Variants in TCF7L2 observed in about 807,000 individuals in gnomAD.
TCF7L2 encodes the protein transcription factor 7 like 2.
TCF7L2 carries 23 observed loss-of-function variants against 77.9 expected under a neutral mutation model. That is an observed-to-expected ratio of 0.30 (90% CI 0.21 to 0.42). The LOEUF (loss-of-function observed/expected upper bound fraction) is 0.42. TCF7L2 is among the 10% of genes least tolerant of loss of function. The pLI is 1.00. For missense variants in TCF7L2, 654 were observed against 793.1 expected, an observed-to-expected ratio of 0.82 and a Z score of 2.11; for synonymous variants, 413 against 340.2, an observed-to-expected ratio of 1.21 and a Z score of -2.36.
chr10:113,160,589 G>A (rs958309982), intron 12 of TCF7L2: 4 of 1,568,218 alleles, frequency 2.6e-6, no homozygotes, highest in Non-Finnish European at 2.6e-6. Context: ...CCATTGTGTT[G>A]TATTTTTTGT....
intron 5 of TCF7L2, among the ~76,000 whole-genome samples, chr10:113,133,706 T>C (rs2066949591): frequency 6.6e-6 from 1 of 152,228 alleles, no homozygotes; most frequent in South Asian, 2.1e-4. Context: ...CATGAGAAAC[T>C]ATGAGTCGGC....
intron 4 of TCF7L2, among the ~76,000 whole-genome samples, chr10:112,976,132 T>C (rs189987587): frequency 1.6e-4 from 24 of 152,298 alleles, no homozygotes; most frequent in Non-Finnish European, 3.2e-4. Context: ...AGTACCTGTT[T>C]CTAGAGTTGG....
intron 4 of TCF7L2, among the ~76,000 whole-genome samples, chr10:112,969,389 G>T (rs2037729845): frequency 6.6e-6 from 1 of 152,180 alleles, no homozygotes; most frequent in African/African-American, 2.4e-5. Flanking sequence ...TTCCTACGTT[G>T]TTGGATATTT....
intron 4 of TCF7L2, among the ~76,000 whole-genome samples, chr10:113,012,422 T>C (rs944982738): frequency 6.6e-6 from 1 of 152,146 alleles, no homozygotes; most frequent in Admixed American, 6.5e-5. Flanking sequence ...TGAGTCTCTG[T>C]GGTGGGTTCT....
intron 13 of TCF7L2, among the ~76,000 whole-genome samples, chr10:113,164,951 C>T (rs570073452): frequency 1.6e-3 from 242 of 152,244 alleles, no homozygotes; most frequent in Non-Finnish European, 2.8e-3. Context: ...CTCTTGCTAG[C>T]GCTGCCTTCA....
chr10:113,056,820 C>T (rs1442785518), intron 5 of TCF7L2, among the ~76,000 whole-genome samples: 2 of 152,162 alleles, frequency 1.3e-5, no homozygotes, highest in African/African-American at 2.4e-5. Flanking sequence ...AAAGCGTCAT[C>T]GCCTCAGATG....
intron 4 of TCF7L2, among the ~76,000 whole-genome samples, chr10:113,021,069 A>G (rs1306821494): frequency 1.3e-5 from 2 of 152,160 alleles, no homozygotes; most frequent in Non-Finnish European, 2.9e-5. Context: ...TGCTGGCATC[A>G]ATAAATATTT....
chr10:113,162,908 T>C (rs2073404189), intron 13 of TCF7L2, among the ~76,000 whole-genome samples: 1 of 151,782 alleles, frequency 6.6e-6, no homozygotes, highest in African/African-American at 2.4e-5. Flanking sequence ...TTGGGGGTGC[T>C]AAGAGTATGG....
rs2074054171 is a variant in TCF7L2, at chr10:113,166,619, T to G, written c.*647T>G. On this transcript the variant is annotated 3_prime_UTR_variant, in exon 14 of 14. Coordinates refer to ENST00000627217, the MANE Select transcript of TCF7L2 (RefSeq NM_001146274.2). ...ACACTTAATAGAATCACAACGCTGT[T>G]GGGCCAGTAGTATTTATTGCTTTAG... 4.3e-6 allele frequency: 1 copy of G among 230,604 alleles called. No individual in the cohort carries two copies. Among genetic ancestry groups the G allele is most frequent in the East Asian group, 6.2e-5 (1 of 16,202 alleles). The allele number at this position is 230,604 out of a possible 1,614,324, so 14.3% of individuals were successfully genotyped here.
At chr10:113,075,253 G>A (rs2058558756) in intron 5 of TCF7L2, among the ~76,000 whole-genome samples, 1 of 152,162 alleles carries the variant, frequency 6.6e-6, no homozygotes, top group Admixed American at 6.5e-5. Flanking sequence ...GAGGTCAGGA[G>A]TTCGAGACCA....
intron 5 of TCF7L2, among the ~76,000 whole-genome samples, chr10:113,047,272 C>G (rs60616341): frequency 0.047 from 7,100 of 152,230 alleles, 522 homozygotes; most frequent in African/African-American, 0.16. Flanking sequence ...TGAAAGTTCT[C>G]AACATTTATA....
chr10:113,161,600 A>G (rs761441545), intron 13 of TCF7L2: 2 of 1,536,078 alleles, frequency 1.3e-6, no homozygotes, highest in East Asian at 2.4e-5. Flanking sequence ...GGAATATTAC[A>G]ATGGTAGGTA....
intron 5 of TCF7L2, among the ~76,000 whole-genome samples, chr10:113,095,511 C>T (rs1237890950): frequency 6.6e-6 from 1 of 152,192 alleles, no homozygotes; most frequent in Non-Finnish European, 1.5e-5. Context: ...GTGGGCACTG[C>T]AGTGCCTCCC....
In TCF7L2 at chr10:113,117,426, TCTCTCTCC is replaced by T. The variant is rs1564916525; in HGVS notation, c.553-23750_553-23743del. Among the ~76,000 whole-genome samples the T allele has an allele frequency of 5.9e-3, 212 of 36,008 alleles. 34 individuals are homozygous for T. Among genetic ancestry groups the T allele is most frequent in the East Asian group, 0.024 (42 of 1,766 alleles). 23.6% of individuals were successfully genotyped at this position (36,008 alleles called of 152,430 possible). A position where few individuals can be genotyped will look rare whatever the true frequency, so the allele number is the denominator to read the frequency against. On this transcript the variant is annotated intron_variant, in intron 5 of 13. Transcript: ENST00000627217. The stretch of plus-strand genomic sequence containing the variant: ...CTCTCTCTCTCTCTCTCTCTCTCTC[TCTCTCTCC>T]CTCTCTCTCTCTCTCTCTCTCTCTT...
At chr10:113,002,845 TGAA>T (rs1257285845) in intron 4 of TCF7L2, among the ~76,000 whole-genome samples, 1 of 152,240 alleles carries the variant, frequency 6.6e-6, no homozygotes, top group Non-Finnish European at 1.5e-5. Flanking sequence ...GAGGATGTGT[TGAA>T]GAAGTCAAAG....
intron 5 of TCF7L2, among the ~76,000 whole-genome samples, chr10:113,110,608 T>G (rs1423863431): frequency 6.6e-6 from 1 of 152,204 alleles, no homozygotes; most frequent in Non-Finnish European, 1.5e-5. Flanking sequence ...CGATTCTAAT[T>G]GCTGGCTTTT....
intron 3 of TCF7L2, among the ~76,000 whole-genome samples, chr10:112,960,651 G>A (rs545599616): frequency 6.6e-6 from 1 of 152,136 alleles, no homozygotes; most frequent in South Asian, 2.1e-4. Flanking sequence ...CCTGGTGACT[G>A]GTGCAGGACA....
intron 5 of TCF7L2, among the ~76,000 whole-genome samples, chr10:113,069,037 C>G (rs2057616436): frequency 6.6e-6 from 1 of 151,694 alleles, no homozygotes; most frequent in African/African-American, 2.4e-5. Context: ...CATGGGTGTC[C>G]TGGGGTCAGG....
In TCF7L2 at chr10:112,950,691, A is replaced by AT. The variant is rs554216227; in HGVS notation, c.-58dup. ...GGGGGGGCAAAACTTTTTGGGGGTG[A>AT]TTTTTTTTGGCTTTTCTTCCTCCTT... On this transcript the variant is annotated 5_prime_UTR_variant, in exon 1 of 14. Coordinates refer to ENST00000627217, the MANE Select transcript of TCF7L2 (RefSeq NM_001146274.2). 1.1e-4 allele frequency: 172 copies of AT among 1,496,838 alleles called. No homozygotes were observed. The highest frequency in any genetic ancestry group is 1.4e-4 in the Non-Finnish European group (157 of 1,124,454). 92.7% of individuals were successfully genotyped at this position (1,496,838 alleles called of 1,614,324 possible).
Sources: allele counts gnomAD v4.1 joint callset (sites outside exome capture counted in the v4.1 genomes callset), GRCh38; gene constraint gnomAD v4.1.1; transcripts MANE v1.5; gene names NCBI Gene and HGNC (gene_info 2026-07-23, HGNC 2026-07-21).